Variants in CELF2 observed in about 807,000 individuals in gnomAD.
CELF2 encodes the protein CUGBP Elav-like family member 2, also known as CUG triplet repeat RNA-binding protein 2.
Under a neutral mutation model 62.6 loss-of-function variants are expected in CELF2, and 8 were observed. That is an observed-to-expected ratio of 0.13 (90% confidence interval 0.07 to 0.23). The LOEUF is 0.23. Among genes scored for constraint, CELF2 ranks in the 10% least tolerant of loss-of-function variants. The probability of loss-of-function intolerance (pLI) is 1.00; values close to 1 mark genes in which losing one functional copy is unlikely to be tolerated. For synonymous variants in CELF2, 258 were observed against 250.0 expected (o/e 1.03, Z -0.30); for missense variants, 333 against 671.0 (o/e 0.50, Z 5.56).
chr10:11,242,122 A>AT lies in CELF2; in HGVS notation c.355-7030dup, dbSNP rs1184121303. Among the ~76,000 whole-genome samples the AT allele has an allele frequency of 6.6e-6, 1 of 152,098 alleles. No homozygotes were observed. Among genetic ancestry groups the AT allele is most frequent in the Non-Finnish European group, 1.5e-5 (1 of 68,024 alleles). On this transcript the variant is annotated intron_variant, in intron 3 of 12. Coordinates refer to ENST00000633077, the MANE Select transcript of CELF2 (RefSeq NM_001326342.2). The surrounding 1 kb of genome is among the most constrained non-coding windows in gnomAD (Gnocchi z 4.8). ...CCCTCTCTCTACTTTTAAATATTTT[A>AT]TGGGCAGTAAGCTCACAATATGTGC...
rs548556830 is a variant in CELF2 at position 11,110,840 on chromosome 10, C to T, written c.75-54646C>T. 6.6e-5 allele frequency among the ~76,000 whole-genome samples: 10 copies of T among 152,244 alleles called. No individual in the cohort carries two copies. In the South Asian group the frequency reaches 1.7e-3, roughly 25 times the overall value. On this transcript the variant is annotated intron_variant, in intron 1 of 12. Transcript: ENST00000633077. The surrounding 1 kb of genome is among the most constrained non-coding windows in gnomAD (Gnocchi z 4.0). Reference sequence around the variant, plus strand: ...CTTAACCACCACCTCATTTCATGCCCGAGAGCTTGGAAGCCTAGACCCCCA... The same window carrying T: ...CTTAACCACCACCTCATTTCATGCCTGAGAGCTTGGAAGCCTAGACCCCCA...
At chr10:11,049,225 T>A (rs6602474) in intron 1 of CELF2, among the ~76,000 whole-genome samples, 20,621 of 150,132 alleles carry the variant, frequency 0.14, 1,536 homozygotes, top group Non-Finnish European at 0.17. Flanking sequence ...TTTTTTTTTT[T>A]AAAACTGCCT....
At chr10:10,478,287 G>T in the CELF2 span, among the ~76,000 whole-genome samples, 16 of 152,096 alleles carry the variant, frequency 1.1e-4, no homozygotes, top group South Asian at 2.1e-4. Flanking sequence ...CCAATGAAAA[G>T]CTTTATTTAT....
the CELF2 span, among the ~76,000 whole-genome samples, chr10:10,625,082 G>T: frequency 6.0e-4 from 92 of 152,310 alleles, no homozygotes; most frequent in Non-Finnish European, 1.1e-3. Context: ...CTGCCCTTTT[G>T]TGACTTCTTT....
chr10:10,735,566 G>A, the CELF2 span, among the ~76,000 whole-genome samples: 2 of 152,158 alleles, frequency 1.3e-5, no homozygotes, highest in African/African-American at 4.8e-5. Flanking sequence ...AAATTTGGGG[G>A]AAAACTAGAG....
intron 2 of CELF2, among the ~76,000 whole-genome samples, chr10:11,169,666 T>C (rs1002768130): frequency 6.6e-6 from 1 of 152,196 alleles, no homozygotes; most frequent in Non-Finnish European, 1.5e-5. Flanking sequence ...TGTTAGACTC[T>C]CGAGACTCTA....
the CELF2 span, among the ~76,000 whole-genome samples, chr10:10,476,499 G>T: frequency 6.6e-6 from 1 of 152,100 alleles, no homozygotes; most frequent in Non-Finnish European, 1.5e-5. Flanking sequence ...ATGCCATCTG[G>T]CTGGGACCCT....
chr10:11,033,953 CTTT>C (rs1049109585), intron 1 of CELF2, among the ~76,000 whole-genome samples: 4 of 152,280 alleles, frequency 2.6e-5, no homozygotes, highest in East Asian at 3.9e-4. Flanking sequence ...TACCTGTTCC[CTTT>C]TTTAAGTCTG....
chr10:11,321,498 A>G lies in CELF2; in HGVS notation c.1294+112A>G. 1 of 837,306 alleles carries G rather than the reference A, an allele frequency of 1.2e-6. No individual in the cohort carries two copies. Among genetic ancestry groups the G allele is most frequent in the Non-Finnish European group, 1.8e-6 (1 of 557,628 alleles). The allele number at this position is 837,306 out of a possible 1,614,324, so 51.9% of individuals were successfully genotyped here. ...CTGAACCCATGTCATAACAGAAAGCAGTTGTTTTGTTATTCATGTTTAAAA... is the reference window on the plus strand; with the variant it reads ...CTGAACCCATGTCATAACAGAAAGCGGTTGTTTTGTTATTCATGTTTAAAA... On this transcript the variant is annotated intron_variant, in intron 11 of 12. Transcript: ENST00000633077. This position sits in a 1 kb window ranked among gnomAD's most constrained non-coding sequence, Gnocchi z 6.2.
At chr10:10,755,540 T>C in the CELF2 span, among the ~76,000 whole-genome samples, 6 of 152,318 alleles carry the variant, frequency 3.9e-5, no homozygotes, top group South Asian at 4.1e-4. Context: ...CCTCCTCAGA[T>C]TGGTCTTGAC....
the CELF2 span, among the ~76,000 whole-genome samples, chr10:10,690,773 A>C: frequency 1.3e-5 from 2 of 152,078 alleles, no homozygotes; most frequent in Non-Finnish European, 2.9e-5. Flanking sequence ...CCAGCTACTC[A>C]GGAGGCTGAG....
chr10:10,720,963 G>A, the CELF2 span, among the ~76,000 whole-genome samples: 3 of 152,186 alleles, frequency 2.0e-5, no homozygotes, highest in Non-Finnish European at 4.4e-5. Context: ...AAACCCACTG[G>A]ATGTGAAACA....
At chr10:10,873,476 G>A (rs2060889562) in intron 1 of CELF2, among the ~76,000 whole-genome samples, 1 of 152,162 alleles carries the variant, frequency 6.6e-6, no homozygotes, top group African/African-American at 2.4e-5. Context: ...TTATCCCAAA[G>A]AGCCTTCTGA....
chr10:10,949,908 T>C (rs2048132972), intron 2 of CELF2, among the ~76,000 whole-genome samples: 1 of 151,880 alleles, frequency 6.6e-6, no homozygotes, highest in African/African-American at 2.4e-5. Flanking sequence ...TGAAAACCCT[T>C]ATTTTGTCTA....
chr10:10,475,082 T>C, the CELF2 span, among the ~76,000 whole-genome samples: 6 of 152,248 alleles, frequency 3.9e-5, no homozygotes, highest in Non-Finnish European at 8.8e-5. Context: ...TCAGGAATTG[T>C]TTTTCTTGGA....
intron 12 of CELF2, among the ~76,000 whole-genome samples, chr10:11,326,460 C>T (rs1269989291): frequency 6.6e-6 from 1 of 152,242 alleles, no homozygotes; most frequent in Admixed American, 6.5e-5. Flanking sequence ...ACATAGCACG[C>T]TGCATGATGA....
At chr10:11,089,696 G>T (rs951627144) in intron 1 of CELF2, among the ~76,000 whole-genome samples, 13 of 152,148 alleles carry the variant, frequency 8.5e-5, no homozygotes, top group African/African-American at 2.4e-4. Context: ...CAAAGGAGAA[G>T]AAATCACCCT....
At chr10:10,994,886 G>A (rs1312003722) in intron 2 of CELF2, among the ~76,000 whole-genome samples, 1 of 152,034 alleles carries the variant, frequency 6.6e-6, no homozygotes, top group Non-Finnish European at 1.5e-5. Context: ...CATGTAATCT[G>A]CCCTCAGGCT....
the CELF2 span, among the ~76,000 whole-genome samples, chr10:10,616,295 GGTGT>G: frequency 0.065 from 9,327 of 143,838 alleles, 304 homozygotes; most frequent in East Asian, 0.1. Context: ...TTTTGTTTGG[GGTGT>G]GTGTGTGTGT....
Sources: allele counts gnomAD v4.1 joint callset (sites outside exome capture counted in the v4.1 genomes callset), GRCh38; gene constraint gnomAD v4.1.1; non-coding constraint Gnocchi (gnomAD v3.1); transcripts MANE v1.5; gene names NCBI Gene and HGNC (gene_info 2026-07-23, HGNC 2026-07-21).